The following MRTFB variants were observed in gnomAD, a reference collection of about 807,000 sequenced individuals.
The protein encoded by MRTFB is myocardin related transcription factor B.
In MRTFB, 29 loss-of-function variants were observed where a neutral mutation model predicts 104.2. The ratio of observed to expected loss-of-function variants is 0.28; its 90% confidence interval spans 0.21 to 0.38. The LOEUF (loss-of-function observed/expected upper bound fraction) is 0.38. Ranked by LOEUF, MRTFB falls within the 10% of genes least tolerant of loss-of-function variation. The pLI is 1.00. For missense variants in MRTFB, 1,270 were observed against 1,341.6 expected, an observed-to-expected ratio of 0.95 and a Z score of 0.83; for synonymous variants, 535 against 519.5, an observed-to-expected ratio of 1.03 and a Z score of -0.41.
intron 6 of MRTFB, among the ~76,000 whole-genome samples, chr16:14,215,496 G>A (rs1487379595): frequency 6.6e-6 from 1 of 152,176 alleles, no homozygotes; most frequent in Non-Finnish European, 1.5e-5. Flanking sequence ...CAAAATTCCA[G>A]GCTCTACTTA....
the MRTFB span, among the ~76,000 whole-genome samples, chr16:14,012,291 C>T: frequency 1.5e-4 from 15 of 97,722 alleles, no homozygotes; most frequent in African/African-American, 4.7e-4. Context: ...TTTTCTTTTT[C>T]TTTCTTTCTT....
intron 2 of MRTFB, among the ~76,000 whole-genome samples, chr16:14,087,748 T>C (rs762864801): frequency 2.0e-5 from 3 of 152,218 alleles, no homozygotes; most frequent in Non-Finnish European, 2.9e-5. Context: ...TGAAAGGATA[T>C]CCTCCTACAT....
intron 3 of MRTFB, among the ~76,000 whole-genome samples, chr16:14,166,222 T>C (rs1214732425): frequency 8.9e-5 from 13 of 145,914 alleles, no homozygotes; most frequent in South Asian, 6.3e-4. Flanking sequence ...CTTTTCTTTT[T>C]TTTTTTTTTT....
chr16:14,224,180 G>A (rs1476446207), intron 8 of MRTFB, among the ~76,000 whole-genome samples: 1 of 152,166 alleles, frequency 6.6e-6, no homozygotes, highest in Admixed American at 6.5e-5. Flanking sequence ...CAGAAAGGGG[G>A]AAGTCTGCCC....
At chr16:14,191,260 G>C (rs2040168909) in intron 3 of MRTFB, among the ~76,000 whole-genome samples, 1 of 152,168 alleles carries the variant, frequency 6.6e-6, no homozygotes, top group African/African-American at 2.4e-5. Flanking sequence ...GTGGCTAGTG[G>C]CTGCTGCAAT....
chr16:14,258,993 A>C (rs2043637374), intron 16 of MRTFB, among the ~76,000 whole-genome samples: 1 of 152,196 alleles, frequency 6.6e-6, no homozygotes, highest in Non-Finnish European at 1.5e-5. Flanking sequence ...GTTTTATTTG[A>C]ATTTTCAAAT....
chr16:14,137,558 T>G (rs2037784294), intron 2 of MRTFB, among the ~76,000 whole-genome samples: 1 of 152,170 alleles, frequency 6.6e-6, no homozygotes. Flanking sequence ...TGAACAGATT[T>G]TATTTTGTAT....
At chr16:14,143,616 T>C (rs2038136958) in intron 3 of MRTFB, 1 of 151,718 alleles carries the variant, frequency 6.6e-6, no homozygotes, top group Non-Finnish European at 1.5e-5. Flanking sequence ...ACCCAGTAAC[T>C]CGTCATTTAA....
At chr16:14,232,045 A>G (rs1464675302) in intron 8 of MRTFB, among the ~76,000 whole-genome samples, 1 of 152,214 alleles carries the variant, frequency 6.6e-6, no homozygotes, top group Non-Finnish European at 1.5e-5. Context: ...TAGGCAAGAC[A>G]TCATAAATAT....
intron 1 of MRTFB, among the ~76,000 whole-genome samples, chr16:14,078,354 T>C (rs1164019207): frequency 1.3e-5 from 2 of 152,158 alleles, no homozygotes; most frequent in Non-Finnish European, 2.9e-5. Flanking sequence ...TGCTTTATAT[T>C]ATGTGTCTAG....
chr16:14,155,433 T>G (rs896517504), intron 3 of MRTFB, among the ~76,000 whole-genome samples: 9 of 152,226 alleles, frequency 5.9e-5, no homozygotes, highest in African/African-American at 2.2e-4. Context: ...TTTTTATTGA[T>G]GAATTTTCCT....
At chr16:14,222,622 C>T (rs2041786989) in intron 8 of MRTFB, among the ~76,000 whole-genome samples, 1 of 151,172 alleles carries the variant, frequency 6.6e-6, no homozygotes, top group African/African-American at 2.4e-5. Context: ...GGCAGTGGCT[C>T]AGGCCTATAA....
At chr16:14,184,378 A>G (rs1485929470) in intron 3 of MRTFB, among the ~76,000 whole-genome samples, 1 of 152,130 alleles carries the variant, frequency 6.6e-6, no homozygotes, top group Admixed American at 6.5e-5. Context: ...ATGTGCTACC[A>G]TGCCCAGCTA....
At chr16:14,188,886 TG>T (rs1441727285) in intron 3 of MRTFB, among the ~76,000 whole-genome samples, 1 of 152,218 alleles carries the variant, frequency 6.6e-6, no homozygotes, top group East Asian at 1.9e-4. Context: ...AAAATAGAAG[TG>T]TTATATATCT....
chr16:14,089,290 A>C (rs977654734), intron 2 of MRTFB, among the ~76,000 whole-genome samples: 4 of 151,936 alleles, frequency 2.6e-5, no homozygotes, highest in African/African-American at 4.8e-5. Context: ...AAGAAATCTC[A>C]TACCCACTCT....
rs1328479742 is a variant in MRTFB at position 14,264,794 on chromosome 16, C to G, written c.*3350C>G. 6.6e-6 allele frequency: 1 copy of G among 152,190 alleles called. No homozygotes were observed. Among genetic ancestry groups the G allele is most frequent in the Non-Finnish European group, 1.5e-5 (1 of 68,034 alleles). The allele number at this position is 152,190 out of a possible 1,614,324, so 9.4% of individuals were successfully genotyped here. ...TAGCACCTCTGAACTGTGCAGTCAG[C>G]ATACCCTGAGTGATGGCTCAGGGGC... On this transcript the variant is annotated 3_prime_UTR_variant, in exon 17 of 17. Coordinates refer to ENST00000571589, the MANE Select transcript of MRTFB (RefSeq NM_001308142.2).
At chr16:14,148,371 C>G (rs560916567) in intron 3 of MRTFB, among the ~76,000 whole-genome samples, 1 of 152,150 alleles carries the variant, frequency 6.6e-6, no homozygotes, top group Non-Finnish European at 1.5e-5. Flanking sequence ...GACACCTGTT[C>G]TCTACCATAC....
At chr16:14,125,203 C>T (rs146542303) in intron 2 of MRTFB, among the ~76,000 whole-genome samples, 1 of 152,340 alleles carries the variant, frequency 6.6e-6, no homozygotes, top group African/African-American at 2.4e-5. Context: ...TGGATGAATG[C>T]CCACTGTTGT....
Position 14,260,962 on chromosome 16 carries a change from G to C in MRTFB, c.2818G>C (p.Val940Leu), listed in dbSNP as rs184910740. Residue 940 changes from valine (V) to leucine (L), a missense_variant, in exon 17 of 17, where the codon GTG becomes CTG. Val to Leu is a conservative substitution (Grantham distance 32). Transcript: ENST00000571589. ...EPSPISKMRP[V>L]TASITTMPVN... The stretch of plus-strand genomic sequence containing the variant: ...TTCTCCTATTTCCAAAATGAGACCA[G>C]TGACAGCCAGCATCACCACAATGCC... The C allele has an allele frequency of 6.2e-7, 1 of 1,614,042 alleles. No individual in the cohort carries two copies. Among genetic ancestry groups the C allele is most frequent in the East Asian group, 2.2e-5 (1 of 44,884 alleles).
Sources: gnomAD v4.1 joint callset for allele counts (sites outside exome capture counted in the v4.1 genomes callset) on GRCh38, gnomAD v4.1.1 for gene constraint, MANE v1.5 for transcripts, NCBI Gene and HGNC (gene_info 2026-07-23, HGNC 2026-07-21) for gene names.